Variants in TMPRSS15 observed in about 807,000 individuals in gnomAD.
TMPRSS15 encodes enteropeptidase.
TMPRSS15 carries 128 observed loss-of-function variants against 125.3 expected under a neutral mutation model. That is an observed-to-expected ratio of 1.02 (90% confidence interval 0.89 to 1.18). TMPRSS15 has a LOEUF of 1.18. TMPRSS15 is among the 50% of genes most tolerant of loss of function. TMPRSS15 has a pLI of 0.00. For synonymous variants in TMPRSS15, 446 were observed against 423.2 expected (o/e 1.05, Z -0.66); for missense variants, 1,283 against 1,212.7 (o/e 1.06, Z -0.86).
At chr21:18,272,658 G>A (rs1023350566) in intron 24 of TMPRSS15, among the ~76,000 whole-genome samples, 1 of 152,136 alleles carries the variant, frequency 6.6e-6, no homozygotes, top group Non-Finnish European at 1.5e-5. Context: ...CCGGCAGGTG[G>A]AGGTTGCAGT....
At chr21:18,415,723 T>G (rs1171165842) in intron 1 of TMPRSS15, among the ~76,000 whole-genome samples, 1 of 152,110 alleles carries the variant, frequency 6.6e-6, no homozygotes, top group Non-Finnish European at 1.5e-5. Flanking sequence ...TCTGTCTTTA[T>G]GCTAGTACCA....
intron 1 of TMPRSS15, among the ~76,000 whole-genome samples, chr21:18,432,505 G>A (rs1223396925): frequency 6.6e-6 from 1 of 152,068 alleles, no homozygotes; most frequent in East Asian, 1.9e-4. Context: ...TAATGGAGTA[G>A]GGTGGGCTCC....
intron 18 of TMPRSS15, among the ~76,000 whole-genome samples, chr21:18,307,146 T>C (rs2075046865): frequency 6.6e-6 from 1 of 152,220 alleles, no homozygotes; most frequent in Non-Finnish European, 1.5e-5. Flanking sequence ...ATTAAGGATG[T>C]AACTTTCTTT....
At chr21:18,356,212 G>T (rs2075622888) in intron 8 of TMPRSS15, among the ~76,000 whole-genome samples, 2 of 151,934 alleles carry the variant, frequency 1.3e-5, no homozygotes, top group South Asian at 4.1e-4. Context: ...AAAGAAGTAT[G>T]ATACAGATGT....
At chr21:18,473,810 T>A (rs1749296689) in intron 1 of TMPRSS15, among the ~76,000 whole-genome samples, 3 of 152,096 alleles carry the variant, frequency 2.0e-5, no homozygotes, top group South Asian at 4.1e-4. Flanking sequence ...GTAAGGAGAT[T>A]TTTTAAAAAT....
At chr21:18,362,742 A>G (rs2075689651) in intron 7 of TMPRSS15, among the ~76,000 whole-genome samples, 1 of 152,138 alleles carries the variant, frequency 6.6e-6, no homozygotes, top group African/African-American at 2.4e-5. Flanking sequence ...GTGGCTAAGC[A>G]CTTTACATTC....
rs114600298 is a variant in TMPRSS15 at position 18,325,321 on chromosome 21, G to A, written c.1921+1111C>T. On this transcript the variant is annotated intron_variant, in intron 16 of 24. Coordinates refer to ENST00000284885, the MANE Select transcript of TMPRSS15 (RefSeq NM_002772.3). The stretch of plus-strand genomic sequence containing the variant: ...ATCAGTCACAAAATCCAGATTAATC[G>A]ATTGAGCTACCACTTACTTCTACCT... Among the ~76,000 whole-genome samples, 1,294 of 151,762 alleles carry A rather than the reference G, an allele frequency of 8.5e-3. 14 individuals carry two copies. The highest frequency in any genetic ancestry group is 0.029 in the African/African-American group (1,220 of 41,358).
At chr21:18,485,161 T>C (rs1009146160) in intron 1 of TMPRSS15, among the ~76,000 whole-genome samples, 27 of 151,946 alleles carry the variant, frequency 1.8e-4, no homozygotes, top group Non-Finnish European at 3.4e-4. Flanking sequence ...AATGTCTTTG[T>C]AATTGGTAAA....
chr21:18,296,471 A>G (rs923518503), intron 19 of TMPRSS15, among the ~76,000 whole-genome samples: 1 of 152,222 alleles, frequency 6.6e-6, no homozygotes, highest in Non-Finnish European at 1.5e-5. Context: ...AAAGGTTAAA[A>G]TATGTCTATA....
At chr21:18,375,080 ACT>A (rs1443013988) in intron 5 of TMPRSS15, among the ~76,000 whole-genome samples, 1 of 152,138 alleles carries the variant, frequency 6.6e-6, no homozygotes, top group Non-Finnish European at 1.5e-5. Flanking sequence ...TTTAAGTTGC[ACT>A]CTGTCTCTCT....
intron 1 of TMPRSS15, among the ~76,000 whole-genome samples, chr21:18,457,178 G>C (rs1426034474): frequency 3.3e-5 from 5 of 151,998 alleles, no homozygotes; most frequent in Non-Finnish European, 7.4e-5. Flanking sequence ...TATGTAACTT[G>C]CTCAGCATAG....
chr21:18,315,265 A>T lies in TMPRSS15; in HGVS notation c.1922-9T>A, dbSNP rs779347159. The T allele has an allele frequency of 6.2e-7, 1 of 1,600,470 alleles. No individual in the cohort carries two copies. The highest frequency in any genetic ancestry group is 8.6e-7 in the Non-Finnish European group (1 of 1,168,830). On this transcript the variant is annotated splice_polypyrimidine_tract_variant and intron_variant, in intron 16 of 24. Transcript: ENST00000284885. ...GTCTGCCTTGCATGGCTCTATGGGG[A>T]AAGAATGTTTATTGTATAGGATAAA...
chr21:18,373,423 G>C (rs541918869), intron 5 of TMPRSS15, among the ~76,000 whole-genome samples: 3 of 151,900 alleles, frequency 2.0e-5, no homozygotes, highest in African/African-American at 7.2e-5. Flanking sequence ...AAATGATAGA[G>C]TACTCCCATG....
intron 16 of TMPRSS15, among the ~76,000 whole-genome samples, chr21:18,325,893 T>C (rs186093733): frequency 6.6e-6 from 1 of 152,102 alleles, no homozygotes; most frequent in African/African-American, 2.4e-5. Context: ...TGTTTGCTCC[T>C]GTTGATTATT....
chr21:18,303,220 T>C (rs1288056692), intron 18 of TMPRSS15, among the ~76,000 whole-genome samples: 1 of 152,166 alleles, frequency 6.6e-6, no homozygotes, highest in African/African-American at 2.4e-5. Context: ...TTGGATCTTA[T>C]TTTTCTGTAG....
At chr21:18,442,183 G>A (rs1010915025) in intron 1 of TMPRSS15, among the ~76,000 whole-genome samples, 2 of 152,106 alleles carry the variant, frequency 1.3e-5, no homozygotes, top group Admixed American at 6.5e-5. Flanking sequence ...GTTACCTTGA[G>A]TCTTATTTTG....
At chr21:18,406,210 C>T (rs1266298711), upstream of TMPRSS15, among the ~76,000 whole-genome samples, 1 of 152,122 alleles carries the variant, frequency 6.6e-6, no homozygotes, top group Middle Eastern at 3.4e-3. Context: ...TTGGGACCTG[C>T]GTGAGACAGT....
At chr21:18,306,466 T>C (rs113144743) in intron 18 of TMPRSS15, among the ~76,000 whole-genome samples, 1,692 of 152,268 alleles carry the variant, frequency 0.011, 32 homozygotes, top group African/African-American at 0.039. Context: ...AACCTTGGGG[T>C]AATTCTGTTT....
intron 16 of TMPRSS15, among the ~76,000 whole-genome samples, chr21:18,320,034 T>C (rs1402360059): frequency 6.6e-6 from 1 of 152,202 alleles, no homozygotes; most frequent in Non-Finnish European, 1.5e-5. Flanking sequence ...CGGAGGTTCT[T>C]GAAAATGTAA....
Sources: gnomAD v4.1 joint callset for allele counts (sites outside exome capture counted in the v4.1 genomes callset) on GRCh38, gnomAD v4.1.1 for gene constraint, MANE v1.5 for transcripts, NCBI Gene and HGNC (gene_info 2026-07-23, HGNC 2026-07-21) for gene names.